Variants in PRLR observed in about 807,000 individuals in gnomAD.
PRLR encodes hPRL receptor.
In PRLR, 13 loss-of-function variants were observed where a neutral mutation model predicts 40.2. The observed-to-expected ratio is 0.32, with a 90% CI of 0.21 to 0.51. PRLR has a LOEUF of 0.51. PRLR is among the 20% of genes least tolerant of loss of function. The probability of loss-of-function intolerance (pLI) is 0.97; values close to 1 mark genes in which losing one functional copy is unlikely to be tolerated. For synonymous variants in PRLR, 269 were observed against 278.7 expected (o/e 0.97, Z 0.35); for missense variants, 656 against 747.3 (o/e 0.88, Z 1.42).
chr5:35,200,705 C>G lies in PRLR; in HGVS notation c.-106+29563G>C, dbSNP rs1775858716. On this transcript the variant is annotated intron_variant, in intron 1 of 9. Transcript: ENST00000618457. ...TTCAGTCCTAACACTAAGAATGGTA[C>G]CATGTCTTTATATAGGGCTTTCCAG... is the stretch of plus-strand genomic sequence containing the variant. 2.0e-5 allele frequency among the ~76,000 whole-genome samples: 3 copies of G among 152,208 alleles called. No individual in the cohort carries two copies. In the South Asian group the frequency reaches 6.2e-4, roughly 32 times the overall value.
intron 1 of PRLR, among the ~76,000 whole-genome samples, chr5:35,162,324 C>G (rs1774697250): frequency 6.6e-6 from 1 of 152,176 alleles, no homozygotes; most frequent in Non-Finnish European, 1.5e-5. Context: ...GATTGGCTCC[C>G]AAAACAAACC....
At chr5:35,098,798 G>A (rs982082984) in intron 2 of PRLR, among the ~76,000 whole-genome samples, 1 of 152,140 alleles carries the variant, frequency 6.6e-6, no homozygotes, top group Non-Finnish European at 1.5e-5. Context: ...GAATCATACA[G>A]AATCATTACA....
In PRLR at chr5:35,084,634, G is replaced by A; in HGVS notation, c.209C>T (p.Thr70Ile). The A allele has an allele frequency of 6.2e-7, 1 of 1,608,808 alleles. No homozygotes were observed. Among genetic ancestry groups the A allele is most frequent in the Non-Finnish European group, 8.5e-7 (1 of 1,178,088 alleles). ...GTAGTCTGGACATTCATGCATGAGT[G>A]TCTCTCTGCAATAAGTAATGTATTA... ...YSLTYHREGE[T>I]LMHECPDYIT... The change falls in exon 5 of 10, where the codon ACA becomes ATA. Residue 70 changes from threonine (T) to isoleucine (I), a missense_variant. Transcript: ENST00000618457.
chr5:35,104,899 C>T (rs1028674924), intron 2 of PRLR, among the ~76,000 whole-genome samples: 4 of 152,184 alleles, frequency 2.6e-5, no homozygotes, highest in Non-Finnish European at 4.4e-5. Flanking sequence ...AATTTGAGAT[C>T]GGAGAACAGA....
intron 8 of PRLR, 146 bp from the exon 9 acceptor site, chr5:35,068,431 A>G: frequency 1.4e-6 from 1 of 696,480 alleles, no homozygotes; most frequent in South Asian, 1.8e-5. Context: ...ATGAAAATAA[A>G]ATTACAGAGG....
intron 1 of PRLR, among the ~76,000 whole-genome samples, chr5:35,216,549 G>A (rs553113226): frequency 5.9e-5 from 9 of 152,218 alleles, no homozygotes; most frequent in Non-Finnish European, 1.2e-4. Context: ...CACTCTGTGT[G>A]ATCCTCTAGA....
Position 35,092,038 on chromosome 5 carries a change from T to C in PRLR, c.-43-2375A>G, listed in dbSNP as rs16871727. Reference sequence around the variant, plus strand: ...TCCATGCGTTTTGCAAAAGAAACTCTGGGATGGGAAGCAGAGTGGGTCAGG... The same window carrying C: ...TCCATGCGTTTTGCAAAAGAAACTCCGGGATGGGAAGCAGAGTGGGTCAGG... On this transcript the variant is annotated intron_variant, in intron 2 of 9. Coordinates refer to ENST00000618457, the MANE Select transcript of PRLR (RefSeq NM_000949.7). 6.1e-3 allele frequency among the ~76,000 whole-genome samples: 930 copies of C among 152,254 alleles called. 8 individuals carry two copies. Among genetic ancestry groups the C allele is most frequent in the African/African-American group, 0.021 (872 of 41,540 alleles).
At chr5:35,196,830 C>T (rs1412953830) in intron 1 of PRLR, among the ~76,000 whole-genome samples, 3 of 152,180 alleles carry the variant, frequency 2.0e-5, no homozygotes, top group Non-Finnish European at 4.4e-5. Context: ...TAATTTCTCA[C>T]AGTTCTGGAG....
chr5:35,219,478 G>A (rs1187441596), intron 1 of PRLR, among the ~76,000 whole-genome samples: 2 of 152,204 alleles, frequency 1.3e-5, no homozygotes, highest in Admixed American at 6.5e-5. Flanking sequence ...ACAAGGCCTT[G>A]CATACAGTCA....
chr5:35,203,556 T>A (rs1267009939), intron 1 of PRLR, among the ~76,000 whole-genome samples: 3 of 152,166 alleles, frequency 2.0e-5, no homozygotes, highest in Non-Finnish European at 2.9e-5. Flanking sequence ...AATGTCATTC[T>A]TCCTATCTGT....
At position 35,226,040 on chromosome 5, in the gene PRLR, A is replaced by T. The variant is rs567076181; in HGVS notation, c.-106+4228T>A. ...CTTAAAAATCTGGGGTGCGTTGTAC[A>T]TTTACAGTACATCTCAATATGAAAT... is the stretch of plus-strand genomic sequence containing the variant. On this transcript the variant is annotated intron_variant, in intron 1 of 9. Transcript: ENST00000618457. Among the ~76,000 whole-genome samples, 20 of 152,332 alleles carry T rather than the reference A, an allele frequency of 1.3e-4. 1 individual carries two copies. Among genetic ancestry groups the T allele is most frequent in the African/African-American group, 4.3e-4 (18 of 41,572 alleles).
intron 2 of PRLR, among the ~76,000 whole-genome samples, chr5:35,110,179 G>A (rs1227669591): frequency 6.6e-6 from 1 of 152,100 alleles, no homozygotes; most frequent in East Asian, 1.9e-4. Flanking sequence ...AGAACAGTTG[G>A]ACACAGGGTG....
chr5:35,083,551 G>A lies in PRLR; in HGVS notation c.373+919C>T, dbSNP rs186121034. On this transcript the variant is annotated intron_variant, in intron 5 of 9. Transcript: ENST00000618457. ...TTTTTTTTTTTTGATGTGGAGTCTC[G>A]CTCTGTGGCCCAGGCTGGAGTGCAG... 3.0e-4 allele frequency among the ~76,000 whole-genome samples: 43 copies of A among 142,790 alleles called. No individual in the cohort carries two copies. The Middle Eastern group carries it at 0.011, about 36-fold the overall frequency. 93.7% of individuals were successfully genotyped at this position (142,790 alleles called of 152,430 possible).
At chr5:35,181,463 G>C (rs148190766) in intron 1 of PRLR, among the ~76,000 whole-genome samples, 166 of 152,302 alleles carry the variant, frequency 1.1e-3, no homozygotes, top group African/African-American at 3.8e-3. Context: ...TGTCCATTAA[G>C]TTCAGAAACA....
chr5:35,097,494 G>A (rs1006220428), intron 2 of PRLR, among the ~76,000 whole-genome samples: 3 of 152,126 alleles, frequency 2.0e-5, no homozygotes, highest in African/African-American at 7.2e-5. Flanking sequence ...GGAGGAAGAG[G>A]AACTCAGGAT....
chr5:35,137,677 G>T (rs1252899015), intron 1 of PRLR, among the ~76,000 whole-genome samples: 2 of 152,168 alleles, frequency 1.3e-5, no homozygotes, highest in African/African-American at 4.8e-5. Context: ...AAATAACAAG[G>T]CAAGACAAGA....
exon 9 of PRLR, chr5:35,049,227 G>A (rs1219840026): frequency 1.4e-6 from 1 of 702,396 alleles, no homozygotes; most frequent in Non-Finnish European, 2.6e-6. Context: ...AGTCTGTCCT[G>A]TGGTTGGACA....
chr5:35,217,263 A>C (rs1220346377), intron 1 of PRLR, among the ~76,000 whole-genome samples: 2 of 152,200 alleles, frequency 1.3e-5, no homozygotes, highest in African/African-American at 4.8e-5. Flanking sequence ...TTCCTGCAGA[A>C]GACTGAACCC....
At chr5:35,078,119 A>G (rs1213499207) in intron 5 of PRLR, among the ~76,000 whole-genome samples, 1 of 152,214 alleles carries the variant, frequency 6.6e-6, no homozygotes, top group East Asian at 1.9e-4. Context: ...TCTAAAATCG[A>G]CACCCTAACA....
Sources: allele counts gnomAD v4.1 joint callset (sites outside exome capture counted in the v4.1 genomes callset), GRCh38; gene constraint gnomAD v4.1.1; transcripts MANE v1.5; gene names NCBI Gene and HGNC (gene_info 2026-07-23, HGNC 2026-07-21).